The following PCDHGA10 variants were observed in gnomAD, a reference collection of about 807,000 sequenced individuals.
PCDHGA10 encodes the protein protocadherin gamma subfamily A, 10.
PCDHGA10 carries 42 observed loss-of-function variants against 59.5 expected under a neutral mutation model. That is an observed-to-expected ratio of 0.71 (90% CI 0.55 to 0.91). The LOEUF is 0.91. PCDHGA10 is among the 40% of genes least tolerant of loss of function. PCDHGA10 has a pLI of 0.00. For missense variants in PCDHGA10, 1,111 were observed against 1,198.2 expected (o/e 0.93, Z 1.07); for synonymous variants, 511 against 517.2 (o/e 0.99, Z 0.16).
intron 1 of PCDHGA10, among the ~76,000 whole-genome samples, chr5:141,488,553 T>C (rs2099676887): frequency 6.6e-6 from 1 of 152,166 alleles, no homozygotes; most frequent in South Asian, 2.1e-4. Flanking sequence ...TCAGCTGACA[T>C]TGAGATTTCC....
chr5:141,421,791 T>TG, intron 1 of PCDHGA10: 1 of 1,613,792 alleles, frequency 6.2e-7, no homozygotes, highest in Non-Finnish European at 8.5e-7. Flanking sequence ...GCAGAACGGA[T>TG]GGGGCCAAGA....
intron 1 of PCDHGA10, among the ~76,000 whole-genome samples, chr5:141,463,302 A>T (rs2099056422): frequency 6.6e-6 from 1 of 151,090 alleles, no homozygotes; most frequent in Non-Finnish European, 1.5e-5. Context: ...ATCTCCCCAA[A>T]CTCTAATATC....
intron 1 of PCDHGA10, among the ~76,000 whole-genome samples, chr5:141,435,264 T>C (rs1442193276): frequency 5.3e-5 from 8 of 152,222 alleles, no homozygotes; most frequent in Non-Finnish European, 8.8e-5. Context: ...GATATGTCCA[T>C]TTATACTTTC....
chr5:141,439,186 C>T (rs2098094521), intron 1 of PCDHGA10, among the ~76,000 whole-genome samples: 1 of 141,808 alleles, frequency 7.1e-6, no homozygotes, highest in Admixed American at 7.0e-5. Flanking sequence ...TAGTGAGACT[C>T]TGACAAAAAA....
chr5:141,483,660 G>GTCTGTA (rs2099584988), intron 1 of PCDHGA10, among the ~76,000 whole-genome samples: 1 of 152,094 alleles, frequency 6.6e-6, no homozygotes, highest in Non-Finnish European at 1.5e-5. Context: ...GTGTGTGTGT[G>GTCTGTA]TGTGTGTGTA....
chr5:141,505,363 T>A, intron 2 of PCDHGA10, 30 bp from the exon 3 acceptor site: 1 of 1,613,360 alleles, frequency 6.2e-7, no homozygotes, highest in Non-Finnish European at 8.5e-7. Context: ...GGCCTGGGAG[T>A]CTGTGCTCAC....
In PCDHGA10 at chr5:141,415,029, G is replaced by A. The variant is rs777967290; in HGVS notation, c.1854G>A (p.Pro618=). The change falls in exon 1 of 4, where the codon CCG becomes CCA. Residue 618 remains proline (P), a synonymous_variant. Coordinates refer to ENST00000398610, the MANE Select transcript of PCDHGA10 (RefSeq NM_018913.3). The stretch of plus-strand genomic sequence containing the variant: ...ACCGTCTGCTCAAGGCCAGCGAGCC[G>A]GGACTCTTCGCGGTGGGGGAGCACA... ...LSYRLLKASE[P]GLFAVGEHTG... 4 of 1,613,436 alleles carry A rather than the reference G, an allele frequency of 2.5e-6. No individual in the cohort carries two copies. Among genetic ancestry groups the A allele is most frequent in the Non-Finnish European group, 3.4e-6 (4 of 1,179,992 alleles).
At chr5:141,478,765 C>T in intron 1 of PCDHGA10, 1 of 1,508,614 alleles carries the variant, frequency 6.6e-7, no homozygotes, top group Non-Finnish European at 8.9e-7. Context: ...AGATACTTGA[C>T]TCATCTGTGG....
intron 1 of PCDHGA10, among the ~76,000 whole-genome samples, chr5:141,451,727 C>A (rs2098722766): frequency 6.6e-6 from 1 of 152,014 alleles, no homozygotes; most frequent in Admixed American, 6.6e-5. Flanking sequence ...ACTAAAAATA[C>A]AAAAATTAGC....
chr5:141,484,374 T>C (rs1261372490), intron 1 of PCDHGA10, among the ~76,000 whole-genome samples: 1 of 152,186 alleles, frequency 6.6e-6, no homozygotes, highest in Non-Finnish European at 1.5e-5. Context: ...CACTAGCAAA[T>C]GTCTGAATAA....
In PCDHGA10 at chr5:141,505,470, C is replaced by G; in HGVS notation, c.2573C>G (p.Ala858Gly). 6.2e-7 allele frequency: 1 copy of G among 1,614,186 alleles called. No individual in the cohort carries two copies. Among genetic ancestry groups the G allele is most frequent in the Non-Finnish European group, 8.5e-7 (1 of 1,180,002 alleles). Residue 858 changes from alanine to glycine, a missense_variant, in exon 3 of 4, where the codon GCG (alanine) becomes GGG (glycine). Ala to Gly is a moderately conservative substitution (Grantham distance 60). Transcript: ENST00000398610. ...GAGATGCTGCAAGCCATGATCTTGG[C>G]GTCCGCCAGTGGTAAGTGGTGTCAG... The part of the protein sequence containing the change: ...DTEMLQAMIL[A>G]SASEAADGSS...
intron 2 of PCDHGA10, among the ~76,000 whole-genome samples, chr5:141,503,334 C>T (rs2099819255): frequency 6.6e-6 from 1 of 152,072 alleles, no homozygotes; most frequent in Admixed American, 6.6e-5. Context: ...CGGTGGCTCA[C>T]GCCTGTAATT....
At position 141,485,480 on chromosome 5, in the gene PCDHGA10, A is replaced by G. The variant is rs535194185; in HGVS notation, c.2437-9327A>G. On this transcript the variant is annotated intron_variant, in intron 1 of 3. Transcript: ENST00000398610. The surrounding 1 kb of genome is among the most constrained non-coding windows in gnomAD (Gnocchi z 5.7). Reference sequence around the variant, plus strand: ...ACTGTGTGGGCTCAGTGCCAGCTGCATCGTGCCCCTGGAGTTTGTCACCGA... The same window carrying G: ...ACTGTGTGGGCTCAGTGCCAGCTGCGTCGTGCCCCTGGAGTTTGTCACCGA... The G allele has an allele frequency of 2.5e-6, 4 of 1,614,154 alleles. No individual in the cohort carries two copies. The South Asian group carries it at 3.3e-5, about 13-fold the overall frequency.
At chr5:141,419,555 G>A (rs1411289369) in intron 1 of PCDHGA10, 3 of 1,611,876 alleles carry the variant, frequency 1.9e-6, no homozygotes, top group South Asian at 1.1e-5. Context: ...GCTGTACCCT[G>A]CGCTGGGTCC....
chr5:141,460,037 C>A (rs1203902962), intron 1 of PCDHGA10, among the ~76,000 whole-genome samples: 1 of 152,120 alleles, frequency 6.6e-6, no homozygotes, highest in African/African-American at 2.4e-5. Context: ...GAGACTGCAC[C>A]ACTGCACTCC....
rs761227475 is a variant in PCDHGA10 at position 141,489,382 on chromosome 5, G to A, written c.2437-5425G>A. 4 of 1,613,872 alleles carry A rather than the reference G, an allele frequency of 2.5e-6. No homozygotes were observed. The highest frequency in any genetic ancestry group is 1.7e-5 in the Admixed American group (1 of 60,006). On this transcript the variant is annotated intron_variant, in intron 1 of 3. Coordinates refer to ENST00000398610, the MANE Select transcript of PCDHGA10 (RefSeq NM_018913.3). The surrounding 1 kb of genome is among the most constrained non-coding windows in gnomAD (Gnocchi z 4.5). ...TGAGCCGGGGACGCTGGTGGGGAATGTTGCTCAGGATCTGGGCTTAAAGAT... is the reference window on the plus strand; with the variant it reads ...TGAGCCGGGGACGCTGGTGGGGAATATTGCTCAGGATCTGGGCTTAAAGAT...
intron 1 of PCDHGA10, among the ~76,000 whole-genome samples, chr5:141,482,800 G>C (rs10052648): frequency 0.023 from 2,992 of 130,874 alleles, 96 homozygotes; most frequent in African/African-American, 0.087. Context: ...GGCCGGGTAC[G>C]GTGGCTCATG....
At chr5:141,468,403 A>C (rs2099166784) in intron 1 of PCDHGA10, 1 of 152,088 alleles carries the variant, frequency 6.6e-6, no homozygotes, top group African/African-American at 2.4e-5. Flanking sequence ...GGTGAGAACT[A>C]ATAATAAGTT....
intron 1 of PCDHGA10, chr5:141,479,750 G>T: frequency 6.6e-6 from 1 of 152,310 alleles, no homozygotes. Context: ...CAATGTGAAA[G>T]GTAGATAAAT....
Sources: allele counts gnomAD v4.1 joint callset (sites outside exome capture counted in the v4.1 genomes callset), GRCh38; gene constraint gnomAD v4.1.1; non-coding constraint Gnocchi (gnomAD v3.1); transcripts MANE v1.5; gene names NCBI Gene and HGNC (gene_info 2026-07-23, HGNC 2026-07-21).